ICA1: variants seen among roughly 807,000 people sequenced by gnomAD.
ICA1 encodes the protein islet cell autoantigen 1.
A neutral mutation model predicts 71.0 loss-of-function variants in ICA1; 40 were observed. The ratio of observed to expected loss-of-function variants is 0.56; its 90% confidence interval spans 0.44 to 0.73. The LOEUF (loss-of-function observed/expected upper bound fraction) is 0.73. Among genes scored for constraint, ICA1 ranks in the 30% least tolerant of loss-of-function variants. ICA1 has a pLI of 0.00. For synonymous variants in ICA1, 207 were observed against 209.5 expected, an observed-to-expected ratio of 0.99 and a Z score of 0.10; for missense variants, 578 against 576.5, an observed-to-expected ratio of 1.00 and a Z score of -0.03.
intron 10 of ICA1, among the ~76,000 whole-genome samples, chr7:8,140,708 C>T (rs533212299): frequency 6.6e-6 from 1 of 152,294 alleles, no homozygotes; most frequent in East Asian, 1.9e-4. Flanking sequence ...TGCATGAGTA[C>T]TTGTACGTGA....
intron 8 of ICA1, among the ~76,000 whole-genome samples, chr7:8,146,151 C>T (rs1584509920): frequency 6.6e-6 from 1 of 152,090 alleles, no homozygotes. Context: ...CCGGTGAACA[C>T]GACAGACAAA....
intron 6 of ICA1, among the ~76,000 whole-genome samples, chr7:8,179,566 G>A (rs1435563630): frequency 6.6e-6 from 1 of 152,198 alleles, no homozygotes; most frequent in Admixed American, 6.5e-5. Flanking sequence ...GTTTTGCGGT[G>A]TTGCTAAATG....
At chr7:8,224,142 T>A (rs763373132) in intron 4 of ICA1, among the ~76,000 whole-genome samples, 1 of 151,842 alleles carries the variant, frequency 6.6e-6, no homozygotes, top group African/African-American at 2.4e-5. Flanking sequence ...GGCAGAGCAA[T>A]GAGAGATGGG....
intron 6 of ICA1, among the ~76,000 whole-genome samples, chr7:8,185,417 T>C (rs1783599407): frequency 6.6e-6 from 1 of 152,198 alleles, no homozygotes; most frequent in Non-Finnish European, 1.5e-5. Context: ...AATCCATTTA[T>C]TCATCAACGA....
chr7:8,194,566 AT>A (rs1223987919), intron 6 of ICA1, among the ~76,000 whole-genome samples: 2 of 152,218 alleles, frequency 1.3e-5, no homozygotes, highest in Non-Finnish European at 2.9e-5. Context: ...AGCTATAAAA[AT>A]GTTACTTCTT....
intron 6 of ICA1, among the ~76,000 whole-genome samples, chr7:8,210,564 C>G (rs1401786283): frequency 1.3e-5 from 2 of 151,994 alleles, no homozygotes; most frequent in African/African-American, 4.8e-5. Context: ...ATTTCCTAGC[C>G]TATCCATTTA....
intron 6 of ICA1, among the ~76,000 whole-genome samples, chr7:8,185,992 A>G (rs868045657): frequency 2.6e-5 from 4 of 152,350 alleles, no homozygotes; most frequent in East Asian, 3.9e-4. Flanking sequence ...GGAGCTATAC[A>G]GCATATAAAT....
chr7:8,191,510 C>T (rs1373788399), intron 6 of ICA1, among the ~76,000 whole-genome samples: 1 of 152,144 alleles, frequency 6.6e-6, no homozygotes, highest in East Asian at 1.9e-4. Context: ...GATGATTTTG[C>T]CCCACTGTAG....
intron 6 of ICA1, among the ~76,000 whole-genome samples, chr7:8,211,953 C>T (rs1793938638): frequency 6.6e-6 from 1 of 152,190 alleles, no homozygotes. Context: ...TTTACAAAAA[C>T]AGGTGGCTGA....
chr7:8,192,221 G>C (rs1785905862), intron 6 of ICA1, among the ~76,000 whole-genome samples: 1 of 152,100 alleles, frequency 6.6e-6, no homozygotes, highest in South Asian at 2.1e-4. Context: ...TATAACAAAA[G>C]AAAATCTAAA....
chr7:8,209,042 C>A (rs1181211037), intron 6 of ICA1, among the ~76,000 whole-genome samples: 1 of 152,124 alleles, frequency 6.6e-6, no homozygotes, highest in Non-Finnish European at 1.5e-5. Flanking sequence ...CTTGCATGTG[C>A]CACCCAATAC....
intron 6 of ICA1, among the ~76,000 whole-genome samples, chr7:8,177,193 C>T (rs1413229630): frequency 6.6e-6 from 1 of 152,132 alleles, no homozygotes; most frequent in Admixed American, 6.6e-5. Context: ...CTTCTATTTT[C>T]GAGCCCATGG....
Position 8,117,770 on chromosome 7 carries a change from T to C in ICA1, c.1331-3726A>G, listed in dbSNP as rs565024078. The stretch of plus-strand genomic sequence containing the variant: ...AGAGAGATCATGTTTGGAAGGCGAG[T>C]TCAGATGGGGCAGTGAAACCAATGT... On this transcript the variant is annotated intron_variant, in intron 13 of 13. Transcript: ENST00000402384. 7.9e-5 allele frequency among the ~76,000 whole-genome samples: 12 copies of C among 152,242 alleles called. 1 individual carries two copies. In the East Asian group the frequency reaches 1.9e-3, roughly 24 times the overall value.
intron 13 of ICA1, among the ~76,000 whole-genome samples, chr7:8,126,380 C>T (rs1023362712): frequency 2.0e-5 from 3 of 152,080 alleles, no homozygotes; most frequent in Non-Finnish European, 4.4e-5. Context: ...TTGCAGCTCC[C>T]GTGAATGAGG....
At chr7:8,161,474 C>T (rs930954138) in intron 6 of ICA1, among the ~76,000 whole-genome samples, 5 of 152,196 alleles carry the variant, frequency 3.3e-5, no homozygotes, top group Non-Finnish European at 7.3e-5. Flanking sequence ...TGTTCTCCTA[C>T]TCTGACTCTG....
At chr7:8,151,247 G>C (rs1190783279) in intron 8 of ICA1, among the ~76,000 whole-genome samples, 1 of 152,238 alleles carries the variant, frequency 6.6e-6, no homozygotes, top group Non-Finnish European at 1.5e-5. Context: ...GAATGAGAGA[G>C]GTGGGGGATG....
intron 1 of ICA1, among the ~76,000 whole-genome samples, chr7:8,247,337 G>A (rs149811476): frequency 6.6e-6 from 1 of 152,242 alleles, no homozygotes; most frequent in Non-Finnish European, 1.5e-5. Context: ...GCACACGCCT[G>A]TAGTCCCAGC....
intron 6 of ICA1, among the ~76,000 whole-genome samples, chr7:8,162,838 A>C (rs2128210452): frequency 6.6e-6 from 1 of 152,298 alleles, no homozygotes; most frequent in Non-Finnish European, 1.5e-5. Flanking sequence ...ATCTTGGCTC[A>C]CTGCAACCGC....
chr7:8,137,459 G>A (rs1295084830), intron 12 of ICA1, among the ~76,000 whole-genome samples: 2 of 152,068 alleles, frequency 1.3e-5, no homozygotes, highest in African/African-American at 4.8e-5. Context: ...TTCTATTATT[G>A]TCTTTACCTG....
Sources: allele counts gnomAD v4.1 joint callset (sites outside exome capture counted in the v4.1 genomes callset), GRCh38; gene constraint gnomAD v4.1.1; transcripts MANE v1.5; gene names NCBI Gene and HGNC (gene_info 2026-07-23, HGNC 2026-07-21).